The following SNX8 variants were observed in gnomAD, a reference collection of about 807,000 sequenced individuals.
The protein encoded by SNX8 is sorting nexin 8, also known as sorting nexin-8.
SNX8 carries 25 observed loss-of-function variants against 51.6 expected under a neutral mutation model. The observed-to-expected ratio is 0.48, with a 90% CI of 0.35 to 0.68. The LOEUF is 0.68. Among genes scored for constraint, SNX8 ranks in the 30% least tolerant of loss-of-function variants. The pLI, the probability that SNX8 is intolerant of heterozygous loss-of-function variation, is 0.00. For missense variants in SNX8, 695 were observed against 624.0 expected (o/e 1.11, Z -1.21); for synonymous variants, 324 against 277.0 (o/e 1.17, Z -1.68).
rs1795097167 is a variant in SNX8 at position 2,253,572 on chromosome 7, C to G, written c.*1484G>C. On this transcript the variant is annotated 3_prime_UTR_variant, in exon 11 of 11. Transcript: ENST00000222990. ...GGAACGCTGCCCTCTGCTCATCTGG[C>G]CAGAAGGAAGCAGCCCACCTCACAG... 6.6e-6 allele frequency: 1 copy of G among 152,496 alleles called. No individual in the cohort carries two copies. The highest frequency in any genetic ancestry group is 2.4e-5 in the African/African-American group (1 of 41,454). 9.4% of individuals were successfully genotyped at this position (152,496 alleles called of 1,614,324 possible).
chr7:2,264,511 T>A lies in SNX8; in HGVS notation c.622-53A>T, dbSNP rs1029903726. ...TGTGTTAGTCGCTGGGGAGCACCTG[T>A]CAGACGGCAGCAGCCGGTCCCCCAG... On this transcript the variant is annotated intron_variant, in intron 5 of 10. Coordinates refer to ENST00000222990, the MANE Select transcript of SNX8 (RefSeq NM_013321.4). The A allele has an allele frequency of 3.2e-6, 5 of 1,557,600 alleles. No homozygotes were observed. In the African/African-American group the frequency reaches 6.8e-5, roughly 21 times the overall value.
chr7:2,322,031 C>T (rs889063761), intron 1 of SNX8, among the ~76,000 whole-genome samples: 12 of 152,088 alleles, frequency 7.9e-5, no homozygotes, highest in Admixed American at 7.9e-4. Flanking sequence ...CCTCGAATTT[C>T]TCAATTCTAA....
At position 2,303,347 on chromosome 7, in the gene SNX8, C is replaced by T. The variant is rs1267098153; in HGVS notation, c.94+10981G>A. Among the ~76,000 whole-genome samples the T allele has an allele frequency of 1.8e-3, 278 of 150,988 alleles. 2 individuals are homozygous for T. The highest frequency in any genetic ancestry group is 6.2e-3 in the African/African-American group (257 of 41,194). ...GAGGGAGGTGGAGGGGTCAGCCCCC[C>T]GCCCAGCCAGCCGCCCCGTCTGGGA... On this transcript the variant is annotated intron_variant, in intron 1 of 10. Transcript: ENST00000222990.
chr7:2,348,625 G>A (rs1280417719), intron 1 of SNX8, among the ~76,000 whole-genome samples: 1 of 151,518 alleles, frequency 6.6e-6, no homozygotes, highest in Non-Finnish European at 1.5e-5. Context: ...ACAGGCGTGA[G>A]CCACCGTGCC....
intron 2 of SNX8, among the ~76,000 whole-genome samples, chr7:2,276,231 C>G (rs1795777158): frequency 6.6e-6 from 1 of 152,180 alleles, no homozygotes; most frequent in Admixed American, 6.5e-5. Flanking sequence ...TTGCCTCACC[C>G]CCAGGCTGCC....
rs764080720 is a variant in SNX8, at chr7:2,257,375, C to T, written c.1124G>A (p.Arg375His). The T allele has an allele frequency of 3.7e-6, 6 of 1,607,212 alleles. No homozygotes were observed. Among genetic ancestry groups the T allele is most frequent in the African/African-American group, 1.3e-5 (1 of 74,864 alleles). ...EPESVEQLES[R>H]IVEQENAIQT... ...CGCCCCGCCACCCACCTCCACAATGCGGGACTCCAGCTGCTCCACGGACTC... is the reference window on the plus strand; with the variant it reads ...CGCCCCGCCACCCACCTCCACAATGTGGGACTCCAGCTGCTCCACGGACTC... Residue 375 changes from arginine (R) to histidine (H), a missense_variant, in exon 9 of 11, where the codon CGC (arginine) becomes CAC (histidine). Arg to His is a conservative substitution (Grantham distance 29). Transcript: ENST00000222990.
rs1224124456 is a variant in SNX8, at chr7:2,267,921, G to A, written c.621+1638C>T. 9.0e-5 allele frequency among the ~76,000 whole-genome samples: 10 copies of A among 111,026 alleles called. 1 individual carries two copies. Among genetic ancestry groups the A allele is most frequent in the African/African-American group, 2.2e-4 (6 of 27,192 alleles). 72.8% of individuals were successfully genotyped at this position (111,026 alleles called of 152,430 possible). A position where few individuals can be genotyped will look rare whatever the true frequency, so the allele number is the denominator to read the frequency against. On this transcript the variant is annotated intron_variant, in intron 5 of 10. Coordinates refer to ENST00000222990, the MANE Select transcript of SNX8 (RefSeq NM_013321.4). ...TAGGAAGTGAGGAGCGTCTCTGCCC[G>A]GCCGCCCATAGTCTGAGATGTGGGG...
At chr7:2,352,550 C>T (rs965765155) in intron 1 of SNX8, among the ~76,000 whole-genome samples, 2 of 152,070 alleles carry the variant, frequency 1.3e-5, no homozygotes, top group African/African-American at 4.8e-5. Context: ...AAAAAACATA[C>T]TCCCAGGCGT....
At chr7:2,265,131 A>C (rs1795435068) in intron 5 of SNX8, among the ~76,000 whole-genome samples, 1 of 152,166 alleles carries the variant, frequency 6.6e-6, no homozygotes, top group Non-Finnish European at 1.5e-5. Context: ...GAGTAGGGCG[A>C]ATCACGAGGT....
chr7:2,283,411 C>T (rs71525371), intron 1 of SNX8, among the ~76,000 whole-genome samples: 2,421 of 152,334 alleles, frequency 0.016, 25 homozygotes, highest in Non-Finnish European at 0.024. Flanking sequence ...AGGTCCGCGC[C>T]GCCCAGGCAC....
chr7:2,308,655 G>A (rs1796598513), intron 1 of SNX8, among the ~76,000 whole-genome samples: 1 of 108,466 alleles, frequency 9.2e-6, no homozygotes. Flanking sequence ...AACAGAGTGA[G>A]ACTCTGTCTC....
Position 2,306,955 on chromosome 7 carries a change from C to A in SNX8, c.94+7373G>T, listed in dbSNP as rs192183547. ...TATTACCTAACCTGAGTTTCTCCGG[C>A]CCCTACAGTACTTCCTGGGGTTAAT... On this transcript the variant is annotated intron_variant, in intron 1 of 10. Coordinates refer to ENST00000222990, the MANE Select transcript of SNX8 (RefSeq NM_013321.4). 4.1e-5 allele frequency among the ~76,000 whole-genome samples: 6 copies of A among 147,708 alleles called. No homozygotes were observed. In the East Asian group the frequency reaches 1.2e-3, roughly 30 times the overall value.
intron 1 of SNX8, among the ~76,000 whole-genome samples, chr7:2,344,526 C>T (rs1377019672): frequency 6.6e-6 from 1 of 150,494 alleles, no homozygotes; most frequent in East Asian, 2.0e-4. Flanking sequence ...GCAGGAGAAT[C>T]TTGTGAACCT....
At chr7:2,304,119 ACTG>A (rs1796485582) in intron 1 of SNX8, among the ~76,000 whole-genome samples, 1 of 149,130 alleles carries the variant, frequency 6.7e-6, no homozygotes, top group Non-Finnish European at 1.5e-5. Context: ...GTGAGCCGAG[ACTG>A]TGCCACTGCA....
intron 5 of SNX8, among the ~76,000 whole-genome samples, chr7:2,267,668 A>C (rs1176892843): frequency 2.7e-4 from 40 of 148,364 alleles, no homozygotes; most frequent in Middle Eastern, 3.5e-3. Context: ...ACTACAACCT[A>C]CACCTCCCAG....
intron 1 of SNX8, chr7:2,287,823 GC>G (rs1259957272): frequency 6.6e-6 from 1 of 151,734 alleles, no homozygotes; most frequent in East Asian, 1.9e-4. Context: ...AGTGGCTCAT[GC>G]CTGTAATCCC....
At chr7:2,297,840 G>A (rs1796306505) in intron 1 of SNX8, among the ~76,000 whole-genome samples, 1 of 151,644 alleles carries the variant, frequency 6.6e-6, no homozygotes, top group Admixed American at 6.6e-5. Context: ...CTGAACTACG[G>A]GGACACAAAA....
At chr7:2,304,130 G>A (rs974498580) in intron 1 of SNX8, among the ~76,000 whole-genome samples, 26 of 147,324 alleles carry the variant, frequency 1.8e-4, no homozygotes, top group Non-Finnish European at 3.6e-4. Context: ...CTGTGCCACT[G>A]CACTCCAGCC....
intron 1 of SNX8, among the ~76,000 whole-genome samples, chr7:2,329,002 T>C (rs1778679289): frequency 6.6e-6 from 1 of 150,912 alleles, no homozygotes; most frequent in African/African-American, 2.4e-5. Context: ...AGGAGAATCA[T>C]GTGAACCCGG....
Sources: allele counts gnomAD v4.1 joint callset (sites outside exome capture counted in the v4.1 genomes callset), GRCh38; gene constraint gnomAD v4.1.1; transcripts MANE v1.5; gene names NCBI Gene and HGNC (gene_info 2026-07-23, HGNC 2026-07-21).